Variants in TBC1D22B observed in about 807,000 individuals in gnomAD.
TBC1D22B encodes the protein chromosome 6 open reading frame 197.
A neutral mutation model predicts 69.1 loss-of-function variants in TBC1D22B; 32 were observed. That is an observed-to-expected ratio of 0.46 (90% CI 0.35 to 0.62). TBC1D22B has a LOEUF of 0.62. Among genes scored for constraint, TBC1D22B ranks in the 20% least tolerant of loss-of-function variants. The pLI, the probability that TBC1D22B is intolerant of heterozygous loss-of-function variation, is 0.00. For synonymous variants in TBC1D22B, 206 were observed against 229.8 expected, an observed-to-expected ratio of 0.90 and a Z score of 0.94; for missense variants, 462 against 630.9, an observed-to-expected ratio of 0.73 and a Z score of 2.87.
rs192547489 is a variant in TBC1D22B at position 37,302,535 on chromosome 6, T to G, written c.983-10383T>G. ...AAGTCATGGAGAAGAGCAGGACTTATGATGTTTCCTATTTTCAAAAGAAGA... is the reference window on the plus strand; with the variant it reads ...AAGTCATGGAGAAGAGCAGGACTTAGGATGTTTCCTATTTTCAAAAGAAGA... On this transcript the variant is annotated intron_variant, in intron 8 of 12. Transcript: ENST00000373491. 2.6e-5 allele frequency among the ~76,000 whole-genome samples: 4 copies of G among 152,356 alleles called. No homozygotes were observed. The East Asian group carries it at 7.7e-4, about 29-fold the overall frequency.
intron 1 of TBC1D22B, among the ~76,000 whole-genome samples, chr6:37,261,419 A>C (rs1766097982): frequency 6.8e-6 from 1 of 147,776 alleles, no homozygotes; most frequent in South Asian, 2.2e-4. Flanking sequence ...GCAACAGAGC[A>C]AGAGATTGTC....
At chr6:37,266,930 C>CTTTTTTTT (rs35702920) in intron 1 of TBC1D22B, among the ~76,000 whole-genome samples, 9 of 54,864 alleles carry the variant, frequency 1.6e-4, no homozygotes, top group African/African-American at 3.0e-4. Context: ...TTTTCTTCGT[C>CTTTTTTTT]TTTTTTTTTT....
chr6:37,281,098 A>G (rs927416263), intron 3 of TBC1D22B, among the ~76,000 whole-genome samples: 6 of 152,230 alleles, frequency 3.9e-5, no homozygotes, highest in Non-Finnish European at 8.8e-5. Flanking sequence ...TGTAAAGAAT[A>G]TGAAACAGTC....
intron 1 of TBC1D22B, among the ~76,000 whole-genome samples, chr6:37,262,764 A>G (rs1206908983): frequency 6.6e-6 from 1 of 152,212 alleles, no homozygotes; most frequent in Non-Finnish European, 1.5e-5. Context: ...TCAGTTGCCA[A>G]CACGTTTGGC....
intron 8 of TBC1D22B, among the ~76,000 whole-genome samples, chr6:37,296,815 T>A (rs1283029730): frequency 7.8e-6 from 1 of 128,978 alleles, no homozygotes. Context: ...CACACACATA[T>A]ATATATATTA....
At chr6:37,326,049 T>A (rs899006467) in intron 12 of TBC1D22B, among the ~76,000 whole-genome samples, 5 of 152,104 alleles carry the variant, frequency 3.3e-5, no homozygotes, top group Admixed American at 3.3e-4. Context: ...CTGTTAAGAC[T>A]GGAAGAATTG....
rs115018630 is a variant in TBC1D22B at position 37,303,446 on chromosome 6, T to G, written c.983-9472T>G. 3.8e-3 allele frequency among the ~76,000 whole-genome samples: 577 copies of G among 152,272 alleles called. 2 individuals are homozygous for G. The highest frequency in any genetic ancestry group is 0.012 in the African/African-American group (513 of 41,526). On this transcript the variant is annotated intron_variant, in intron 8 of 12. Coordinates refer to ENST00000373491, the MANE Select transcript of TBC1D22B (RefSeq NM_017772.4). ...CGTCCTAAATGTTTCTTAATCTGCT[T>G]CTTCTTCATTCTCACTATGCACGCC...
intron 6 of TBC1D22B, among the ~76,000 whole-genome samples, chr6:37,285,665 G>A (rs185628228): frequency 9.9e-5 from 15 of 152,276 alleles, no homozygotes; most frequent in Non-Finnish European, 2.2e-4. Context: ...GCTAATTTTT[G>A]TAATTTTAGT....
At chr6:37,274,135 A>G (rs988451020) in intron 2 of TBC1D22B, among the ~76,000 whole-genome samples, 2 of 152,206 alleles carry the variant, frequency 1.3e-5, no homozygotes, top group Admixed American at 6.5e-5. Flanking sequence ...TTGTTTTTTG[A>G]ATTGATGCTC....
intron 2 of TBC1D22B, among the ~76,000 whole-genome samples, chr6:37,275,375 T>C (rs529008701): frequency 3.9e-5 from 6 of 152,314 alleles, no homozygotes; most frequent in Admixed American, 3.9e-4. Context: ...GTTGGGCTTT[T>C]GGCTGTGTAT....
At chr6:37,284,065 T>C (rs1233413822) in intron 5 of TBC1D22B, among the ~76,000 whole-genome samples, 3 of 152,174 alleles carry the variant, frequency 2.0e-5, no homozygotes, top group Admixed American at 1.3e-4. Flanking sequence ...CTCTGGGAGC[T>C]GAGGAGTGCT....
intron 8 of TBC1D22B, among the ~76,000 whole-genome samples, chr6:37,305,542 G>A (rs6940231): frequency 0.011 from 1,498 of 133,360 alleles, 37 homozygotes; most frequent in African/African-American, 0.039. Flanking sequence ...TTTTGAGACG[G>A]AGTGTTGCTC....
intron 9 of TBC1D22B, among the ~76,000 whole-genome samples, 193 bp downstream of exon 9, chr6:37,313,217 C>T (rs572124982): frequency 8.5e-5 from 13 of 152,288 alleles, no homozygotes; most frequent in South Asian, 2.1e-4. Context: ...GGGTCGGGCA[C>T]GGTGGCTCAC....
chr6:37,283,527 A>T (rs558892107), intron 5 of TBC1D22B, among the ~76,000 whole-genome samples: 25 of 152,362 alleles, frequency 1.6e-4, no homozygotes, highest in Middle Eastern at 3.4e-3. Context: ...TGAATAAACC[A>T]CAGTCCCCAC....
At chr6:37,316,557 AG>A (rs1318878015) in intron 10 of TBC1D22B, 145 bp from the exon 11 acceptor site, 1 of 812,416 alleles carries the variant, frequency 1.2e-6, no homozygotes, top group African/African-American at 1.7e-5. Flanking sequence ...TCAAACATAA[AG>A]GACAGTCAGA....
intron 8 of TBC1D22B, among the ~76,000 whole-genome samples, chr6:37,299,635 C>G (rs1767501735): frequency 6.6e-6 from 1 of 152,182 alleles, no homozygotes; most frequent in South Asian, 2.1e-4. Flanking sequence ...GTGATGAAGC[C>G]TCTGAGGGAA....
intron 5 of TBC1D22B, among the ~76,000 whole-genome samples, chr6:37,283,705 G>T (rs952718681): frequency 6.6e-6 from 1 of 152,184 alleles, no homozygotes; most frequent in African/African-American, 2.4e-5. Context: ...GAACGGAAGG[G>T]GAACAGAAAA....
intron 12 of TBC1D22B, among the ~76,000 whole-genome samples, chr6:37,321,962 A>T (rs1768258125): frequency 6.6e-6 from 1 of 152,190 alleles, no homozygotes; most frequent in Non-Finnish European, 1.5e-5. Flanking sequence ...CCACCCTCAA[A>T]AGGTTGGGAG....
intron 5 of TBC1D22B, 35 bp downstream of exon 5, chr6:37,282,987 C>T (rs780660072): frequency 6.3e-7 from 1 of 1,586,444 alleles, no homozygotes; most frequent in South Asian, 1.1e-5. Flanking sequence ...AAATGTGAGC[C>T]TCACACAGCC....
Sources: gnomAD v4.1 joint callset for allele counts (sites outside exome capture counted in the v4.1 genomes callset) on GRCh38, gnomAD v4.1.1 for gene constraint, MANE v1.5 for transcripts, NCBI Gene and HGNC (gene_info 2026-07-23, HGNC 2026-07-21) for gene names.